Variants in AFDN observed in about 807,000 individuals in gnomAD.
AFDN encodes afadin, adherens junction formation factor, also known as afadin.
A neutral mutation model predicts 216.6 loss-of-function variants in AFDN; 68 were observed. The ratio of observed to expected loss-of-function variants is 0.31; its 90% confidence interval spans 0.26 to 0.38. The LOEUF is 0.38. Ranked by LOEUF, AFDN falls within the 10% of genes least tolerant of loss-of-function variation. The pLI is 1.00. For missense variants in AFDN, 2,136 were observed against 2,342.0 expected, an observed-to-expected ratio of 0.91 and a Z score of 1.82; for synonymous variants, 868 against 853.7, an observed-to-expected ratio of 1.02 and a Z score of -0.29.
intron 20 of AFDN, 46 bp from the exon 21 acceptor site, chr6:167,918,689 A>G (rs1436860163): frequency 1.3e-6 from 2 of 1,574,360 alleles, no homozygotes; most frequent in African/African-American, 2.7e-5. Flanking sequence ...CACATGCACC[A>G]GGCAGTGAGC....
chr6:167,881,739 T>TCCC (rs1786137676), intron 6 of AFDN, among the ~76,000 whole-genome samples: 2 of 152,004 alleles, frequency 1.3e-5, no homozygotes, highest in Non-Finnish European at 2.9e-5. Flanking sequence ...GATTTGGAGG[T>TCCC]AACAGGAGTA....
chr6:167,920,685 TC>T (rs1791672644), intron 21 of AFDN, among the ~76,000 whole-genome samples: 1 of 152,202 alleles, frequency 6.6e-6, no homozygotes, highest in African/African-American at 2.4e-5. Context: ...GACATCATCT[TC>T]CAGCCTTACT....
chr6:167,939,121 A>G (rs943936232), intron 23 of AFDN, among the ~76,000 whole-genome samples: 1 of 152,186 alleles, frequency 6.6e-6, no homozygotes, highest in Admixed American at 6.5e-5. Flanking sequence ...TCTAAAATAT[A>G]TATTTGGTAT....
chr6:167,940,423 G>A (rs78211718), intron 23 of AFDN, among the ~76,000 whole-genome samples: 7 of 44,502 alleles, frequency 1.6e-4, no homozygotes, highest in Admixed American at 3.6e-4. Context: ...CAGGAGACGT[G>A]TGGACAGACA....
chr6:167,827,331 G>T (rs1405979343), intron 1 of AFDN, 94 bp downstream of exon 1: 10 of 215,212 alleles, frequency 4.6e-5, no homozygotes, highest in Middle Eastern at 2.2e-3. Context: ...CCGCGGACCC[G>T]CCCTCCTTTC....
intron 1 of AFDN, among the ~76,000 whole-genome samples, chr6:167,837,438 G>C (rs1780575405): frequency 6.7e-6 from 1 of 148,396 alleles, no homozygotes; most frequent in African/African-American, 2.5e-5. Context: ...TTGCGTGTAT[G>C]TTTAGCTGTA....
At chr6:167,840,357 C>T (rs1379392236) in intron 1 of AFDN, among the ~76,000 whole-genome samples, 1 of 152,208 alleles carries the variant, frequency 6.6e-6, no homozygotes, top group Non-Finnish European at 1.5e-5. Context: ...GATTATATGG[C>T]CTTTGCCCTT....
At chr6:167,827,303 CCCG>C in intron 1 of AFDN, 66 bp downstream of exon 1, 2 of 598,466 alleles carry the variant, frequency 3.3e-6, no homozygotes, top group Non-Finnish European at 4.2e-6. Context: ...GCCCCTCCCC[CCCG>C]CCGCCGCCCG....
chr6:167,906,482 TAAG>T (rs1789706827), intron 12 of AFDN, among the ~76,000 whole-genome samples: 1 of 152,218 alleles, frequency 6.6e-6, no homozygotes. Flanking sequence ...GCAGATGTAA[TAAG>T]AAATTTTACA....
chr6:167,872,906 C>T (rs1292975493), intron 4 of AFDN, among the ~76,000 whole-genome samples: 1 of 152,166 alleles, frequency 6.6e-6, no homozygotes, highest in African/African-American at 2.4e-5. Flanking sequence ...GAGGATCTGA[C>T]ACAGAGCTGA....
At chr6:167,848,957 A>G (rs144028917) in intron 1 of AFDN, among the ~76,000 whole-genome samples, 1 of 152,246 alleles carries the variant, frequency 6.6e-6, no homozygotes, top group African/African-American at 2.4e-5. Context: ...CCTTATTTTT[A>G]TACAGCAGGA....
chr6:167,882,699 A>G (rs1786280109), intron 6 of AFDN, among the ~76,000 whole-genome samples: 1 of 152,146 alleles, frequency 6.6e-6, no homozygotes, highest in Non-Finnish European at 1.5e-5. Context: ...GGAAGTTATC[A>G]AGGAAATACT....
At chr6:167,964,318 AAG>A (rs1797320040) in intron 31 of AFDN, 16 of 1,064,120 alleles carry the variant, frequency 1.5e-5, no homozygotes, top group South Asian at 9.1e-5. Flanking sequence ...GTATAACTAA[AAG>A]AGGATATTTT....
rs1263046237 is a variant in AFDN at position 167,962,401 on chromosome 6, G to A, written c.4834-32G>A. ...TTTATGTCTTGTGCTGGTGGAGTTTGTGGAGGGAGATTAATGTCAGCCTGT... is the reference window on the plus strand; with the variant it reads ...TTTATGTCTTGTGCTGGTGGAGTTTATGGAGGGAGATTAATGTCAGCCTGT... On this transcript the variant is annotated intron_variant, in intron 30 of 33. Transcript: ENST00000683244. The surrounding 1 kb of genome is among the most constrained non-coding windows in gnomAD (Gnocchi z 5.2). 6.2e-7 allele frequency: 1 copy of A among 1,612,318 alleles called. No homozygotes were observed. The highest frequency in any genetic ancestry group is 8.5e-7 in the Non-Finnish European group (1 of 1,179,426).
chr6:167,873,650 A>G (rs555760064), intron 4 of AFDN, among the ~76,000 whole-genome samples: 1 of 152,352 alleles, frequency 6.6e-6, no homozygotes, highest in East Asian at 1.9e-4. Context: ...CATGGAGCCC[A>G]GAAGACTTCT....
chr6:167,911,233 T>G (rs375511937), intron 14 of AFDN, 51 bp from the exon 15 acceptor site: 66 of 1,602,038 alleles, frequency 4.1e-5, no homozygotes, highest in Middle Eastern at 1.7e-4. Flanking sequence ...ATTTTCACAT[T>G]CGTTTTTATT....
At chr6:167,836,553 A>G (rs1161071130) in intron 1 of AFDN, among the ~76,000 whole-genome samples, 1 of 152,238 alleles carries the variant, frequency 6.6e-6, no homozygotes, top group Non-Finnish European at 1.5e-5. Context: ...ACGTGTAGTA[A>G]AAACAAAATG....
intron 30 of AFDN, among the ~76,000 whole-genome samples, chr6:167,953,264 C>G (rs1437399887): frequency 6.6e-6 from 1 of 152,102 alleles, no homozygotes; most frequent in African/African-American, 2.4e-5. Flanking sequence ...GCTATTAGGT[C>G]AGACATTTTA....
chr6:167,856,791 G>T (rs559396023), intron 1 of AFDN, among the ~76,000 whole-genome samples: 1 of 152,152 alleles, frequency 6.6e-6, no homozygotes, highest in East Asian at 1.9e-4. Flanking sequence ...CTTTCAATTT[G>T]TGAAAAAGGA....
Sources: gnomAD v4.1 joint callset for allele counts (sites outside exome capture counted in the v4.1 genomes callset) on GRCh38, gnomAD v4.1.1 for gene constraint, Gnocchi (gnomAD v3.1) non-coding constraint, MANE v1.5 for transcripts, NCBI Gene and HGNC (gene_info 2026-07-23, HGNC 2026-07-21) for gene names.